The following TLN2 variants were observed in gnomAD, a reference collection of about 807,000 sequenced individuals.
TLN2 encodes the protein talin 2.
A neutral mutation model predicts 294.7 loss-of-function variants in TLN2; 118 were observed. The observed-to-expected ratio is 0.40, with a 90% CI of 0.34 to 0.47. The LOEUF (loss-of-function observed/expected upper bound fraction) is 0.47, where lower values mean the gene tolerates loss of function less well. Ranked by LOEUF, TLN2 falls within the 20% of genes least tolerant of loss-of-function variation. The pLI is 0.84. For missense variants in TLN2, 3,083 were observed against 3,282.2 expected (o/e 0.94, Z 1.48); for synonymous variants, 1,431 against 1,304.5 (o/e 1.10, Z -2.09).
At chr15:62,772,188 C>G (rs1242545611) in intron 42 of TLN2, among the ~76,000 whole-genome samples, 1 of 152,090 alleles carries the variant, frequency 6.6e-6, no homozygotes, top group Non-Finnish European at 1.5e-5. Context: ...AACTCCCGGC[C>G]TCGAGCAATC....
chr15:62,413,389 A>AC (rs574488553), intron 1 of TLN2, among the ~76,000 whole-genome samples: 114 of 152,134 alleles, frequency 7.5e-4, no homozygotes, highest in African/African-American at 2.5e-3. Context: ...CCCTGCCCCC[A>AC]CCCCCAAGCT....
chr15:62,763,525 C>A, intron 39 of TLN2, 38 bp from the exon 40 acceptor site: 1 of 1,574,036 alleles, frequency 6.4e-7, no homozygotes, highest in Admixed American at 1.7e-5. Context: ...GACTTGAGCC[C>A]CATGGAGCCT....
intron 55 of TLN2, chr15:62,834,901 C>G (rs1281801660): frequency 6.6e-6 from 1 of 152,154 alleles, no homozygotes; most frequent in Non-Finnish European, 1.5e-5. Context: ...CCTATCTGTC[C>G]TCCAACGAAC....
chr15:62,505,820 CT>C (rs2039586415), intron 1 of TLN2, among the ~76,000 whole-genome samples: 2 of 152,124 alleles, frequency 1.3e-5, no homozygotes, highest in South Asian at 4.1e-4. Flanking sequence ...CCTTGTCTGC[CT>C]CTATGATGGG....
intron 1 of TLN2, among the ~76,000 whole-genome samples, chr15:62,579,660 A>C (rs945991893): frequency 1.2e-4 from 18 of 152,118 alleles, no homozygotes; most frequent in African/African-American, 4.3e-4. Context: ...TCCCCTGAAG[A>C]GGATGCCCCT....
chr15:62,746,550 T>G (rs1478243975), intron 32 of TLN2, among the ~76,000 whole-genome samples: 1 of 152,234 alleles, frequency 6.6e-6, no homozygotes. Flanking sequence ...TTGAAAGCAG[T>G]ATCTCCTCAT....
At chr15:62,574,579 CAAAAAAAAAAAAAAAAAAAAAAAAAA>C (rs56279063) in intron 1 of TLN2, among the ~76,000 whole-genome samples, 10 of 46,486 alleles carry the variant, frequency 2.2e-4, no homozygotes, top group South Asian at 1.0e-3. Flanking sequence ...GACCCTGTCT[CAAAAAAAAAAAAAAAAAAAAAAAAAA>C]AAAAAAAAAA....
intron 54 of TLN2, chr15:62,828,404 T>G (rs938050648): frequency 2.0e-5 from 3 of 152,230 alleles, no homozygotes; most frequent in African/African-American, 7.2e-5. Context: ...AGAAGTTAAT[T>G]CAGCATGCAG....
chr15:62,806,463 C>G (rs1014344361), intron 51 of TLN2, among the ~76,000 whole-genome samples: 5 of 152,182 alleles, frequency 3.3e-5, no homozygotes, highest in Non-Finnish European at 5.9e-5. Flanking sequence ...TTGTTTACCC[C>G]CATAGGTCAG....
chr15:62,406,413 C>T (rs996938444), intron 1 of TLN2, among the ~76,000 whole-genome samples: 6 of 152,226 alleles, frequency 3.9e-5, no homozygotes, highest in Non-Finnish European at 8.8e-5. Context: ...TAGAGGAAAA[C>T]AGCTTTGGTG....
intron 1 of TLN2, among the ~76,000 whole-genome samples, chr15:62,558,466 A>G (rs746874521): frequency 1.3e-5 from 2 of 152,166 alleles, no homozygotes; most frequent in Non-Finnish European, 2.9e-5. Flanking sequence ...AGAAGAAGAA[A>G]AATCATTTTC....
At chr15:62,803,289 C>A (rs28866240) in intron 50 of TLN2, among the ~76,000 whole-genome samples, 13,913 of 152,102 alleles carry the variant, frequency 0.091, 869 homozygotes, top group East Asian at 0.18. Context: ...TTATTAAATT[C>A]CTTGCAGTAG....
Position 62,505,042 on chromosome 15 carries a change from C to T in TLN2, c.-237-84645C>T, listed in dbSNP as rs191238231. On this transcript the variant is annotated intron_variant, in intron 1 of 58. Transcript: ENST00000636159. ...CGCGATCTCAGCTCACTGCAACCTC[C>T]GCTTCCCAGGTTCAAGCGATTCTCC... Among the ~76,000 whole-genome samples, 82 of 152,224 alleles carry T rather than the reference C, an allele frequency of 5.4e-4. 1 individual carries two copies. In the East Asian group the frequency reaches 6.2e-3, roughly 11 times the overall value.
chr15:62,429,529 G>A (rs572272851), intron 1 of TLN2, among the ~76,000 whole-genome samples: 2 of 152,260 alleles, frequency 1.3e-5, no homozygotes, highest in East Asian at 3.9e-4. Context: ...TGGGTTTGTA[G>A]TTTAGCAGGG....
intron 1 of TLN2, among the ~76,000 whole-genome samples, chr15:62,460,072 A>G (rs374627362): frequency 1.3e-5 from 2 of 152,142 alleles, no homozygotes; most frequent in South Asian, 4.1e-4. Context: ...GAGGTGCTGC[A>G]TCAGCCTCAG....
intron 14 of TLN2, 143 bp downstream of exon 14, chr15:62,694,535 G>T: frequency 1.5e-6 from 1 of 657,492 alleles, no homozygotes; most frequent in Non-Finnish European, 2.6e-6. Flanking sequence ...CTTCAAGCGT[G>T]GTCCCCAGAC....
At chr15:62,670,512 A>C (rs1392514655) in intron 9 of TLN2, among the ~76,000 whole-genome samples, 1 of 152,182 alleles carries the variant, frequency 6.6e-6, no homozygotes, top group Non-Finnish European at 1.5e-5. Context: ...GCTGCAGATT[A>C]GATATTTCTT....
rs183234274 is a variant in TLN2, at chr15:62,794,095, G to A, written c.5883+1308G>A. Reference sequence around the variant, plus strand: ...GTTCCCCCATAAAAGGCCTTATAGCGGGAGCACCAGGAAGGGAGGAGAGGG... The same window carrying A: ...GTTCCCCCATAAAAGGCCTTATAGCAGGAGCACCAGGAAGGGAGGAGAGGG... On this transcript the variant is annotated intron_variant, in intron 46 of 58. Coordinates refer to ENST00000636159, the MANE Select transcript of TLN2 (RefSeq NM_015059.3). 1.3e-3 allele frequency among the ~76,000 whole-genome samples: 191 copies of A among 152,212 alleles called. 1 individual carries two copies. Among genetic ancestry groups the A allele is most frequent in the African/African-American group, 4.2e-3 (174 of 41,550 alleles).
intron 51 of TLN2, among the ~76,000 whole-genome samples, chr15:62,808,214 C>G (rs1054364386): frequency 1.2e-4 from 18 of 152,160 alleles, no homozygotes; most frequent in African/African-American, 4.1e-4. Flanking sequence ...ATATTTCTTT[C>G]TAGTCTTACT....
Sources: gnomAD v4.1 joint callset for allele counts (sites outside exome capture counted in the v4.1 genomes callset) on GRCh38, gnomAD v4.1.1 for gene constraint, MANE v1.5 for transcripts, NCBI Gene and HGNC (gene_info 2026-07-23, HGNC 2026-07-21) for gene names.